Variants in SMARCC1 observed in about 807,000 individuals in gnomAD.
SMARCC1 encodes the protein SWI/SNF related BAF chromatin remodeling complex subunit C1.
In SMARCC1, 43 loss-of-function variants were observed where a neutral mutation model predicts 147.4. The ratio of observed to expected loss-of-function variants is 0.29; its 90% confidence interval spans 0.23 to 0.38. SMARCC1 has a LOEUF of 0.38. Ranked by LOEUF, SMARCC1 falls within the 10% of genes least tolerant of loss-of-function variation. The pLI is 1.00. For synonymous variants in SMARCC1, 495 were observed against 484.4 expected (o/e 1.02, Z -0.29); for missense variants, 1,119 against 1,381.1 (o/e 0.81, Z 3.01).
chr3:47,646,086 G>A (rs1025240717), intron 21 of SMARCC1, among the ~76,000 whole-genome samples: 5 of 152,114 alleles, frequency 3.3e-5, no homozygotes, highest in African/African-American at 7.2e-5. Flanking sequence ...TTGGGAGGCC[G>A]AGGCGTGAGG....
chr3:47,772,382 G>T (rs1237358542), intron 2 of SMARCC1, among the ~76,000 whole-genome samples: 1 of 152,198 alleles, frequency 6.6e-6, no homozygotes, highest in Non-Finnish European at 1.5e-5. Context: ...AACAGAACAA[G>T]ATCCTGTCTG....
intron 24 of SMARCC1, among the ~76,000 whole-genome samples, chr3:47,624,683 G>GTCACAGACCAAACCTAAGAAAGAAAAGTC (rs2032782534): frequency 1.3e-5 from 2 of 152,072 alleles, no homozygotes; most frequent in African/African-American, 4.8e-5. Flanking sequence ...AAAAGATAAA[G>GTCACAGACCAAACCTAAGAAAGAAAAGTC]ACCTTAGATT....
chr3:47,701,068 G>A lies in SMARCC1; in HGVS notation c.1165+210C>T, dbSNP rs554826374. 5.3e-5 allele frequency among the ~76,000 whole-genome samples: 8 copies of A among 152,110 alleles called. No individual in the cohort carries two copies. The South Asian group carries it at 1.7e-3, about 31-fold the overall frequency. ...TTTAAAACATTACTAAATTAAAGATGTTTTTGGTCGCTGTAAGTTTTCTCT... is the reference window on the plus strand; with the variant it reads ...TTTAAAACATTACTAAATTAAAGATATTTTTGGTCGCTGTAAGTTTTCTCT... On this transcript the variant is annotated intron_variant, in intron 11 of 27. Coordinates refer to ENST00000254480, the MANE Select transcript of SMARCC1 (RefSeq NM_003074.4).
intron 21 of SMARCC1, among the ~76,000 whole-genome samples, chr3:47,650,400 TCACTGTGC>T (rs2033176585): frequency 6.6e-6 from 1 of 151,702 alleles, no homozygotes; most frequent in Admixed American, 6.6e-5. Context: ...ATACAAGATT[TCACTGTGC>T]TATCCTATCA....
chr3:47,650,295 A>ATTATT (rs1553679560), intron 21 of SMARCC1, among the ~76,000 whole-genome samples: 2 of 134,536 alleles, frequency 1.5e-5, no homozygotes, highest in Non-Finnish European at 1.7e-5. Flanking sequence ...TAATAATAAT[A>ATTATT]ATAATTATTA....
chr3:47,632,120 T>C (rs781749813), intron 24 of SMARCC1, among the ~76,000 whole-genome samples: 1 of 152,138 alleles, frequency 6.6e-6, no homozygotes, highest in Non-Finnish European at 1.5e-5. Flanking sequence ...TTTTAAATTT[T>C]GTATGGAATA....
intron 5 of SMARCC1, among the ~76,000 whole-genome samples, chr3:47,735,734 A>T (rs571513383): frequency 6.6e-6 from 1 of 152,282 alleles, no homozygotes; most frequent in East Asian, 1.9e-4. Context: ...AGCCTGGGCG[A>T]CAGCGCGAGA....
At position 47,720,624 on chromosome 3, in the gene SMARCC1, AC is replaced by A. The variant is rs564784558; in HGVS notation, c.716+41del. The A allele has an allele frequency of 4.2e-3, 5,339 of 1,284,430 alleles. 20 individuals are homozygous for A. The highest frequency in any genetic ancestry group is 0.012 in the Middle Eastern group (62 of 5,350). The allele number at this position is 1,284,430 out of a possible 1,614,324, so 79.6% of individuals were successfully genotyped here. ...CTATAAATAAATGTGCCTTCCTTTCACAGAAATCTTTATACCAGGTCTCACA... is the reference window on the plus strand; with the variant it reads ...CTATAAATAAATGTGCCTTCCTTTCAAGAAATCTTTATACCAGGTCTCACA... On this transcript the variant is annotated intron_variant, in intron 7 of 27. Coordinates refer to ENST00000254480, the MANE Select transcript of SMARCC1 (RefSeq NM_003074.4).
intron 4 of SMARCC1, 118 bp from the exon 5 acceptor site, chr3:47,736,244 G>T: frequency 1.7e-6 from 1 of 584,566 alleles, no homozygotes; most frequent in Non-Finnish European, 3.0e-6. Flanking sequence ...ATATTGAGAA[G>T]CATGACCTAA....
chr3:47,629,679 G>C (rs1393480514), intron 24 of SMARCC1, among the ~76,000 whole-genome samples: 1 of 152,070 alleles, frequency 6.6e-6, no homozygotes, highest in African/African-American at 2.4e-5. Flanking sequence ...AGAGAATGAT[G>C]GTAGCCATCT....
intron 3 of SMARCC1, among the ~76,000 whole-genome samples, chr3:47,742,446 T>C (rs567631171): frequency 1.3e-5 from 2 of 152,328 alleles, no homozygotes; most frequent in East Asian, 3.9e-4. Context: ...GTCAAACTTG[T>C]TATCCTTCAG....
chr3:47,658,901 C>G (rs540105944), intron 21 of SMARCC1, among the ~76,000 whole-genome samples: 3 of 152,080 alleles, frequency 2.0e-5, no homozygotes, highest in African/African-American at 7.2e-5. Context: ...GGGTGGATCA[C>G]AAGGTCAGGA....
Position 47,689,434 on chromosome 3 carries a change from C to G in SMARCC1, c.1226-10G>C, listed in dbSNP as rs1414612925. The G allele has an allele frequency of 1.2e-6, 2 of 1,609,572 alleles. No individual in the cohort carries two copies. Among genetic ancestry groups the G allele is most frequent in the East Asian group, 2.2e-5 (1 of 44,842 alleles). ...TCTTCATCCTGCTCATCTGCAAAAC[C>G]AAAACACACAATTCATTTTAAAAAC... On this transcript the variant is annotated splice_polypyrimidine_tract_variant and intron_variant, in intron 12 of 27. Coordinates refer to ENST00000254480, the MANE Select transcript of SMARCC1 (RefSeq NM_003074.4).
intron 19 of SMARCC1, chr3:47,663,686 A>G: frequency 2.7e-6 from 4 of 1,489,436 alleles, no homozygotes; most frequent in African/African-American, 1.4e-5. Context: ...TGAGGGGCTT[A>G]GCCCCACTGT....
At chr3:47,588,618 T>C (rs1297705163) in intron 27 of SMARCC1, among the ~76,000 whole-genome samples, 1 of 152,122 alleles carries the variant, frequency 6.6e-6, no homozygotes, top group Non-Finnish European at 1.5e-5. Flanking sequence ...TTTGATTGCA[T>C]TGTATTTCAA....
intron 21 of SMARCC1, among the ~76,000 whole-genome samples, chr3:47,639,139 C>T (rs1336197880): frequency 6.6e-6 from 1 of 151,874 alleles, no homozygotes; most frequent in Non-Finnish European, 1.5e-5. Flanking sequence ...TTAGGATTTT[C>T]GATTTTCTGT....
At chr3:47,737,392 C>A (rs1275131846) in intron 4 of SMARCC1, among the ~76,000 whole-genome samples, 1 of 152,028 alleles carries the variant, frequency 6.6e-6, no homozygotes, top group Non-Finnish European at 1.5e-5. Context: ...GAGTGAGACC[C>A]TGTCTCAAAG....
intron 3 of SMARCC1, among the ~76,000 whole-genome samples, chr3:47,745,320 TTA>T (rs1434092183): frequency 6.6e-6 from 1 of 152,158 alleles, no homozygotes; most frequent in African/African-American, 2.4e-5. Flanking sequence ...TATGAGTTCA[TTA>T]TACACACACA....
chr3:47,701,830 T>TA (rs1201672262), intron 10 of SMARCC1, among the ~76,000 whole-genome samples: 1 of 151,482 alleles, frequency 6.6e-6, no homozygotes, highest in African/African-American at 2.4e-5. Flanking sequence ...TTTTTAAAAA[T>TA]AAAAAAGGCA....
Sources: gnomAD v4.1 joint callset for allele counts (sites outside exome capture counted in the v4.1 genomes callset) on GRCh38, gnomAD v4.1.1 for gene constraint, MANE v1.5 for transcripts, NCBI Gene and HGNC (gene_info 2026-07-23, HGNC 2026-07-21) for gene names.